The following TRPM4 variants were observed in gnomAD, a reference collection of about 807,000 sequenced individuals.
TRPM4 encodes transient receptor potential cation channel subfamily M member 4, also known as calcium-activated non-selective cation channel 1.
In TRPM4, 124 loss-of-function variants were observed where a neutral mutation model predicts 135.6. The observed-to-expected ratio is 0.91, with a 90% CI of 0.79 to 1.06. TRPM4 has a LOEUF of 1.06. Ranked by LOEUF, TRPM4 falls within the 50% of genes least tolerant of loss-of-function variation. The pLI, the probability that TRPM4 is intolerant of heterozygous loss-of-function variation, is 0.00. For synonymous variants in TRPM4, 745 were observed against 705.6 expected (o/e 1.06, Z -0.88); for missense variants, 1,658 against 1,671.4 (o/e 0.99, Z 0.14).
In TRPM4 at chr19:49,158,256, C is replaced by T. The variant is rs200868666; in HGVS notation, c.89C>T (p.Pro30Leu). Reference protein sequence around the residue: ...CTTFIVDSTDPGGTLCQCGRP... With the variant: ...CTTFIVDSTDLGGTLCQCGRP... ...ACGTTCATAGTTGACTCCACAGATC[C>T]GGGGTGAGGAGTTCGCCCCTGGACT... Residue 30 changes from proline (P) to leucine (L), a missense_variant, in exon 2 of 25, where the codon CCG becomes CTG. Coordinates refer to ENST00000252826, the MANE Select transcript of TRPM4 (RefSeq NM_017636.4). 14 of 1,613,750 alleles carry T rather than the reference C, an allele frequency of 8.7e-6. No homozygotes were observed. The East Asian group carries it at 2.9e-4, about 33-fold the overall frequency.
intron 9 of TRPM4, among the ~76,000 whole-genome samples, chr19:49,175,305 C>A (rs1043159763): frequency 4.6e-5 from 7 of 151,870 alleles, no homozygotes; most frequent in Non-Finnish European, 8.8e-5. Flanking sequence ...GAACTCCCGA[C>A]CTCGGGTGAT....
In TRPM4 at chr19:49,190,321, G is replaced by A; in HGVS notation, c.2132+1G>A. ...TCTACACCCGCCTCATCACCTTCAG[G>A]TCAGTACCCTGGGGTGAGAGTGGTG... On this transcript the variant is annotated splice_donor_variant, in intron 15 of 24. Coordinates refer to ENST00000252826, the MANE Select transcript of TRPM4 (RefSeq NM_017636.4). LOFTEE classifies it high-confidence loss of function. 1.2e-6 allele frequency: 2 copies of A among 1,613,954 alleles called. No individual in the cohort carries two copies. The highest frequency in any genetic ancestry group is 1.1e-5 in the South Asian group (1 of 91,090).
In TRPM4 at chr19:49,189,775, G is replaced by C. The variant is rs557063334; in HGVS notation, c.2020-433G>C. Reference sequence around the variant, plus strand: ...AGTCCCATCCTCATCTGTTGGAATGGTTTGGCTGACATTTCAAACAGCTAC... The same window carrying C: ...AGTCCCATCCTCATCTGTTGGAATGCTTTGGCTGACATTTCAAACAGCTAC... On this transcript the variant is annotated intron_variant, in intron 14 of 24. Coordinates refer to ENST00000252826, the MANE Select transcript of TRPM4 (RefSeq NM_017636.4). Among the ~76,000 whole-genome samples, 18 of 152,242 alleles carry C rather than the reference G, an allele frequency of 1.2e-4. No homozygotes were observed. In the South Asian group the frequency reaches 3.7e-3, roughly 32 times the overall value.
intron 9 of TRPM4, among the ~76,000 whole-genome samples, chr19:49,172,604 A>G (rs1967508038): frequency 6.7e-6 from 1 of 150,140 alleles, no homozygotes. Context: ...ACAATTCCTG[A>G]GAATGCCATC....
rs1968651807 is a variant in TRPM4 at position 49,196,603 on chromosome 19, C to G, written c.2374C>G (p.Leu792Val). The G allele has an allele frequency of 4.5e-6, 7 of 1,556,180 alleles. No individual in the cohort carries two copies. The highest frequency in any genetic ancestry group is 5.2e-6 in the Non-Finnish European group (6 of 1,153,174). ...IFMGNVVSYL[L>V]FLLLFSRVLL... ...CATGGGCAACGTGGTCAGCTACCTG[C>G]TGTTCCTGCTGCTTTTCTCGCGGGT... The change falls in exon 17 of 25, where the codon CTG (leucine) becomes GTG (valine). Residue 792 changes from leucine (L) to valine (V), a missense_variant. By Grantham distance (32) the Leu-to-Val change is conservative (BLOSUM62 1). Transcript: ENST00000252826.
Position 49,171,590 on chromosome 19 carries a change from G to A in TRPM4, c.871G>A (p.Ala291Thr), listed in dbSNP as rs1218785293. The A allele has an allele frequency of 7.4e-6, 12 of 1,614,054 alleles. No homozygotes were observed. Among genetic ancestry groups the A allele is most frequent in the African/African-American group, 1.3e-5 (1 of 75,028 alleles). The change falls in exon 8 of 25, where the codon GCC becomes ACC. Residue 291 changes from alanine to threonine, a missense_variant. Ala to Thr is a moderately conservative substitution (Grantham distance 58). Transcript: ENST00000252826. This position sits in a 1 kb window ranked among gnomAD's most constrained non-coding sequence, Gnocchi z 4.7. ...CTTTATCCTGTAGCGAATAGAGAAC[G>A]CCACCCAGGCTCAGCTCCCATGTCT... is the stretch of plus-strand genomic sequence containing the variant. ...DEKMLTRIEN[A>T]TQAQLPCLLV...
chr19:49,166,579 T>A (rs1158518203), intron 3 of TRPM4, among the ~76,000 whole-genome samples: 7 of 113,440 alleles, frequency 6.2e-5, no homozygotes, highest in African/African-American at 2.4e-4. Context: ...CCCCTCTCTC[T>A]CTGGGTCTCT....
intron 2 of TRPM4, among the ~76,000 whole-genome samples, chr19:49,164,275 T>TTCCC (rs796267104): frequency 0.015 from 1,806 of 118,908 alleles, 71 homozygotes; most frequent in African/African-American, 0.049. Context: ...TTCTCTCTCT[T>TTCCC]TCCCTCCCTC....
intron 6 of TRPM4, among the ~76,000 whole-genome samples, chr19:49,169,637 G>A (rs1330260168): frequency 1.3e-5 from 2 of 151,478 alleles, no homozygotes; most frequent in Non-Finnish European, 2.9e-5. Context: ...GGCTGTTTTC[G>A]AACTTCTGAC....
At chr19:49,207,801 G>A (rs1600536567) in intron 20 of TRPM4, among the ~76,000 whole-genome samples, 2 of 152,016 alleles carry the variant, frequency 1.3e-5, no homozygotes, top group Non-Finnish European at 1.5e-5. Flanking sequence ...TTTTCTCCCC[G>A]TGTGCAGAGA....
At chr19:49,197,649 G>GT (rs1968747344) in intron 17 of TRPM4, among the ~76,000 whole-genome samples, 3 of 145,048 alleles carry the variant, frequency 2.1e-5, no homozygotes, top group South Asian at 2.1e-4. Context: ...CTGGTGACTG[G>GT]TTTTTTGTTT....
At chr19:49,204,274 CAA>C (rs1969063606) in intron 20 of TRPM4, among the ~76,000 whole-genome samples, 1 of 152,158 alleles carries the variant, frequency 6.6e-6, no homozygotes, top group Non-Finnish European at 1.5e-5. Flanking sequence ...GTGTGTATCT[CAA>C]AGTGGAATTC....
Position 49,196,775 on chromosome 19 carries a change from A to T in TRPM4, c.2546A>T (p.His849Leu). The change falls in exon 17 of 25, where the codon CAT becomes CTT. Residue 849 changes from histidine (H) to leucine (L), a missense_variant. Physicochemically the swap from His to Leu is moderately conservative, Grantham distance 99. Around this residue, in one of 3 missense-constraint regions of TRPM4, gnomAD observed 1,412 missense variants for 1,408.7 expected, o/e 1.00. Coordinates refer to ENST00000252826, the MANE Select transcript of TRPM4 (RefSeq NM_017636.4). ...GCCAGCGGGGGCCCCGGGCCTGGCCATGCCTCACTGAGCCAGCGCCTGCGC... is the reference window on the plus strand; with the variant it reads ...GCCAGCGGGGGCCCCGGGCCTGGCCTTGCCTCACTGAGCCAGCGCCTGCGC... ...SLASGGPGPG[H>L]ASLSQRLRLY... is the part of the protein sequence containing the mutation. 3 of 1,566,612 alleles carry T rather than the reference A, an allele frequency of 1.9e-6. No homozygotes were observed. The highest frequency in any genetic ancestry group is 2.6e-6 in the Non-Finnish European group (3 of 1,163,918).
chr19:49,158,174 A>G lies in TRPM4; in HGVS notation c.25-18A>G, dbSNP rs1373140305. On this transcript the variant is annotated intron_variant, in intron 1 of 24. Transcript: ENST00000252826. The stretch of plus-strand genomic sequence containing the variant: ...CCTCTCACCCCACTTCCACCCCTAC[A>G]TTTGTTCCTGTCCCCAGAGCTGGAT... The G allele has an allele frequency of 3.7e-6, 6 of 1,613,146 alleles. 1 individual carries two copies. The highest frequency in any genetic ancestry group is 5.1e-6 in the Non-Finnish European group (6 of 1,179,364).
chr19:49,177,750 T>C (rs1480680075), intron 9 of TRPM4, among the ~76,000 whole-genome samples: 2 of 149,082 alleles, frequency 1.3e-5, no homozygotes, highest in African/African-American at 4.8e-5. Context: ...ATGAAGAGAC[T>C]GAGGCTCAGA....
chr19:49,196,904 C>T, intron 17 of TRPM4, 30 bp downstream of exon 17: 1 of 1,542,986 alleles, frequency 6.5e-7, no homozygotes, highest in East Asian at 2.4e-5. Flanking sequence ...GGAACCCTGG[C>T]CCCTGGCCAC....
At position 49,182,436 on chromosome 19, in the gene TRPM4, TCATCCATCCATCCACCCATC is replaced by T. The variant is rs1968004583; in HGVS notation, c.1264-127_1264-108del. ...TCCATCCATCCATCTACCTATCCAT[TCATCCATCCATCCACCCATC>T]CATCCATCCATCCATCCATCCATCC... On this transcript the variant is annotated intron_variant, in intron 10 of 24. Coordinates refer to ENST00000252826, the MANE Select transcript of TRPM4 (RefSeq NM_017636.4). The T allele has an allele frequency of 1.1e-5, 7 of 638,120 alleles. No individual in the cohort carries two copies. The African/African-American group carries it at 1.1e-4, about 10-fold the overall frequency. 39.5% of individuals were successfully genotyped at this position (638,120 alleles called of 1,614,324 possible).
At chr19:49,180,435 T>C (rs1967871871) in intron 9 of TRPM4, among the ~76,000 whole-genome samples, 1 of 70,648 alleles carries the variant, frequency 1.4e-5, no homozygotes, top group Non-Finnish European at 3.1e-5. Flanking sequence ...CTGCTGTGTG[T>C]GTGTGTGTGT....
intron 12 of TRPM4, among the ~76,000 whole-genome samples, chr19:49,184,070 C>A (rs1968105733): frequency 6.6e-6 from 1 of 152,076 alleles, no homozygotes; most frequent in South Asian, 2.1e-4. Flanking sequence ...CTGTGAATTT[C>A]TTTTACTTGG....
Sources: gnomAD v4.1 joint callset for allele counts (sites outside exome capture counted in the v4.1 genomes callset) on GRCh38, gnomAD v4.1.1 for gene constraint, gnomAD v4.1.1 regional missense constraint, Gnocchi (gnomAD v3.1) non-coding constraint, MANE v1.5 for transcripts, NCBI Gene and HGNC (gene_info 2026-07-23, HGNC 2026-07-21) for gene names.